Variants in CLEC16A observed in about 807,000 individuals in gnomAD.
CLEC16A encodes the protein C-type lectin domain containing 16A.
A neutral mutation model predicts 109.5 loss-of-function variants in CLEC16A; 51 were observed. The ratio of observed to expected loss-of-function variants is 0.47; its 90% CI spans 0.37 to 0.59. The LOEUF is 0.59. CLEC16A is among the 20% of genes least tolerant of loss of function. CLEC16A has a pLI of 0.00. For missense variants in CLEC16A, 1,339 were observed against 1,394.0 expected (o/e 0.96, Z 0.63); for synonymous variants, 673 against 564.2 (o/e 1.19, Z -2.73).
chr16:10,969,201 T>G lies in CLEC16A; in HGVS notation c.384T>G (p.Val128=). The G allele has an allele frequency of 6.2e-7, 1 of 1,610,634 alleles. No homozygotes were observed. The highest frequency in any genetic ancestry group is 8.5e-7 in the Non-Finnish European group (1 of 1,177,598). ...LSNNYVNSII[V]HKFDFSDEEI... ...ATAACTACGTAAATTCTATCATCGT[T>G]CATAAATTTGACTTTTCTGATGAGG... Residue 128 remains valine (V), a synonymous_variant, in exon 4 of 24, where the codon GTT becomes GTG. Coordinates refer to ENST00000409790, the MANE Select transcript of CLEC16A (RefSeq NM_015226.3).
At chr16:11,027,337 G>A (rs578124459) in intron 13 of CLEC16A, 4 of 1,418,244 alleles carry the variant, frequency 2.8e-6, no homozygotes, top group East Asian at 4.5e-5. Context: ...CTGGTGCAGA[G>A]AACCATTGCA....
intron 22 of CLEC16A, among the ~76,000 whole-genome samples, chr16:11,148,415 A>C (rs1271401067): frequency 6.6e-6 from 1 of 152,178 alleles, no homozygotes; most frequent in Non-Finnish European, 1.5e-5. Context: ...AGAACTTGAC[A>C]ATACAGGTAC....
At chr16:11,134,663 A>G in intron 22 of CLEC16A, among the ~76,000 whole-genome samples, 1 of 152,226 alleles carries the variant, frequency 6.6e-6, no homozygotes, top group Admixed American at 6.5e-5. Flanking sequence ...TAAAAATCCG[A>G]AATCTGAAAT....
At chr16:11,130,410 C>G (rs191137386) in intron 22 of CLEC16A, among the ~76,000 whole-genome samples, 4 of 152,306 alleles carry the variant, frequency 2.6e-5, no homozygotes, top group Admixed American at 2.6e-4. Context: ...ACCGAGAAGA[C>G]CTTAAGCAGC....
rs1257389406 is a variant in CLEC16A, at chr16:10,954,800, T to G, written c.81-2982T>G. On this transcript the variant is annotated intron_variant, in intron 1 of 23. Coordinates refer to ENST00000409790, the MANE Select transcript of CLEC16A (RefSeq NM_015226.3). The surrounding 1 kb of genome is among the most constrained non-coding windows in gnomAD (Gnocchi z 4.2). ...TTTCGCTGAACCTTCCCATCACGACTCCTGCCCTGAAGCCCTCTTTCCCTG... is the reference window on the plus strand; with the variant it reads ...TTTCGCTGAACCTTCCCATCACGACGCCTGCCCTGAAGCCCTCTTTCCCTG... Among the ~76,000 whole-genome samples the G allele has an allele frequency of 6.6e-6, 1 of 152,178 alleles. No homozygotes were observed. Among genetic ancestry groups the G allele is most frequent in the Non-Finnish European group, 1.5e-5 (1 of 68,032 alleles).
chr16:10,962,395 A>G (rs2042292164), intron 2 of CLEC16A, 60 bp from the exon 3 acceptor site: 1 of 1,600,978 alleles, frequency 6.2e-7, no homozygotes, highest in Non-Finnish European at 8.6e-7. Flanking sequence ...GAAACCAGAT[A>G]ATAATTTCTG....
At chr16:11,122,580 C>A (rs1032571767) in intron 20 of CLEC16A, among the ~76,000 whole-genome samples, 1 of 152,158 alleles carries the variant, frequency 6.6e-6, no homozygotes, top group African/African-American at 2.4e-5. Context: ...CTTACTGCCG[C>A]GTTTTGATGG....
chr16:11,037,288 C>T (rs1167978026), intron 13 of CLEC16A, among the ~76,000 whole-genome samples: 2 of 152,170 alleles, frequency 1.3e-5, no homozygotes, highest in African/African-American at 4.8e-5. Context: ...TTGGACCCCA[C>T]CCACCTTCGG....
At chr16:11,122,293 G>T (rs903236387) in intron 20 of CLEC16A, among the ~76,000 whole-genome samples, 1 of 152,154 alleles carries the variant, frequency 6.6e-6, no homozygotes, top group South Asian at 2.1e-4. Flanking sequence ...AACAACTATA[G>T]AAGAATCTTT....
intron 1 of CLEC16A, among the ~76,000 whole-genome samples, chr16:10,948,213 C>G (rs1185393523): frequency 6.6e-6 from 1 of 152,120 alleles, no homozygotes; most frequent in Non-Finnish European, 1.5e-5. Flanking sequence ...TTTTTTAGAA[C>G]AGTTTGAGAT....
At chr16:11,045,364 A>G (rs1342275577) in intron 16 of CLEC16A, among the ~76,000 whole-genome samples, 1 of 152,150 alleles carries the variant, frequency 6.6e-6, no homozygotes, top group Non-Finnish European at 1.5e-5. Context: ...GAAGAAAAAG[A>G]AATTTACTTC....
At chr16:11,119,995 A>C (rs548742936) in intron 19 of CLEC16A, among the ~76,000 whole-genome samples, 3 of 141,378 alleles carry the variant, frequency 2.1e-5, no homozygotes, top group African/African-American at 8.1e-5. Flanking sequence ...TTTGAGACGG[A>C]GTTTTGCTCT....
intron 22 of CLEC16A, among the ~76,000 whole-genome samples, chr16:11,152,666 C>T (rs960686156): frequency 2.0e-5 from 3 of 152,204 alleles, no homozygotes; most frequent in African/African-American, 7.2e-5. Context: ...ATTCACACAG[C>T]ATCCTGAGCA....
intron 13 of CLEC16A, among the ~76,000 whole-genome samples, chr16:11,032,233 C>T (rs1009226885): frequency 1.3e-5 from 2 of 152,166 alleles, no homozygotes; most frequent in South Asian, 2.1e-4. Context: ...GCAGCATGTC[C>T]GAGGCAGCGG....
At chr16:11,081,664 G>A (rs2049727018) in intron 19 of CLEC16A, among the ~76,000 whole-genome samples, 1 of 152,130 alleles carries the variant, frequency 6.6e-6, no homozygotes, top group South Asian at 2.1e-4. Flanking sequence ...TTCCAAGCCA[G>A]GAGAGCATAG....
chr16:10,969,308 A>G lies in CLEC16A; in HGVS notation c.491A>G (p.Glu164Gly). The change falls in exon 4 of 24, where the codon GAG (glutamate) becomes GGG (glycine). Residue 164 changes from glutamate to glycine, a missense_variant and splice_region_variant. By Grantham distance (98) the Glu-to-Gly change is moderately conservative. This residue lies in a region of CLEC16A where 161 missense variants were observed against 267.1 expected (regional missense o/e 0.60). Transcript: ENST00000409790. ...NNHTVHFFYNEHTNDFALYTE... is the reference protein window; with the variant it reads ...NNHTVHFFYNGHTNDFALYTE... ...CACACTGTCCATTTCTTTTATAATGAGGTAAGTAATTGCCAGAGGGGCACG... is the reference window on the plus strand; with the variant it reads ...CACACTGTCCATTTCTTTTATAATGGGGTAAGTAATTGCCAGAGGGGCACG... 1 of 1,599,540 alleles carries G rather than the reference A, an allele frequency of 6.3e-7. No individual in the cohort carries two copies. The highest frequency in any genetic ancestry group is 1.4e-5 in the African/African-American group (1 of 73,918).
At chr16:10,969,100 G>A (rs1353206615) in intron 3 of CLEC16A, 61 bp from the exon 4 acceptor site, 4 of 1,440,486 alleles carry the variant, frequency 2.8e-6, no homozygotes, top group Admixed American at 3.9e-5. Context: ...TCATCTGCTT[G>A]TTACCTGGCT....
At chr16:11,129,041 A>T (rs13330724) in intron 22 of CLEC16A, among the ~76,000 whole-genome samples, 2 of 152,152 alleles carry the variant, frequency 1.3e-5, no homozygotes, top group South Asian at 4.2e-4. Context: ...TCCGGCCCCA[A>T]CTGGCCTCTC....
chr16:10,989,078 G>A (rs899750295), intron 10 of CLEC16A, among the ~76,000 whole-genome samples: 2 of 152,328 alleles, frequency 1.3e-5, no homozygotes, highest in East Asian at 1.9e-4. Context: ...TAACAGTGAT[G>A]ATGAAACACC....
Sources: gnomAD v4.1 joint callset for allele counts (sites outside exome capture counted in the v4.1 genomes callset) on GRCh38, gnomAD v4.1.1 for gene constraint, gnomAD v4.1.1 regional missense constraint, Gnocchi (gnomAD v3.1) non-coding constraint, MANE v1.5 for transcripts, NCBI Gene and HGNC (gene_info 2026-07-23, HGNC 2026-07-21) for gene names.